Variants in ADNP2 observed in about 807,000 individuals in gnomAD.
ADNP2 encodes activity-dependent neuroprotector homeobox protein 2.
A neutral mutation model predicts 16.4 loss-of-function variants in ADNP2; 8 were observed. That is an observed-to-expected ratio of 0.49 (90% CI 0.29 to 0.88). The LOEUF is 0.88. ADNP2 is among the 40% of genes least tolerant of loss of function. The pLI is 0.09. For missense variants in ADNP2, 1,397 were observed against 1,395.1 expected (o/e 1.00, Z -0.02); for synonymous variants, 637 against 545.8 (o/e 1.17, Z -2.33).
intron 2 of ADNP2, among the ~76,000 whole-genome samples, chr18:80,130,429 T>G (rs1347000018): frequency 6.6e-6 from 1 of 152,180 alleles, no homozygotes; most frequent in Non-Finnish European, 1.5e-5. Flanking sequence ...GCTGCACAGG[T>G]AAAGAAAGTG....
Position 80,136,358 on chromosome 18 carries a change from C to G in ADNP2, c.945C>G (p.Ala315=), listed in dbSNP as rs769184019. The change falls in exon 4 of 4, where the codon GCC becomes GCG. Residue 315 remains alanine (A), a synonymous_variant. Transcript: ENST00000262198. ...AGQPVTVAQG[A]PGSLTHSPPA... ...AGCCAGTGACTGTGGCCCAGGGTGC[C>G]CCTGGAAGCCTCACTCATTCCCCCC... 1.9e-6 allele frequency: 3 copies of G among 1,614,232 alleles called. No individual in the cohort carries two copies. The South Asian group carries it at 3.3e-5, about 18-fold the overall frequency.
At chr18:80,123,521 C>T (rs2052438649) in intron 2 of ADNP2, among the ~76,000 whole-genome samples, 1 of 151,112 alleles carries the variant, frequency 6.6e-6, no homozygotes, top group African/African-American at 2.4e-5. Context: ...AGGCATGCGC[C>T]ACCACACCCA....
intron 1 of ADNP2, among the ~76,000 whole-genome samples, chr18:80,114,899 G>T (rs185043550): frequency 2.6e-5 from 4 of 152,174 alleles, no homozygotes. Flanking sequence ...TGGTGTCTCT[G>T]TGGGCTAGTT....
chr18:80,118,174 C>T (rs2052401295), intron 2 of ADNP2, among the ~76,000 whole-genome samples: 1 of 152,174 alleles, frequency 6.6e-6, no homozygotes, highest in South Asian at 2.1e-4. Context: ...CCTGTAATCT[C>T]AGCACTTTGG....
intron 2 of ADNP2, among the ~76,000 whole-genome samples, chr18:80,123,995 G>A (rs58748616): frequency 2.0e-5 from 3 of 152,042 alleles, no homozygotes; most frequent in African/African-American, 7.2e-5. Context: ...GTCCCAAAGA[G>A]CTGGGATTAC....
chr18:80,125,467 C>T lies in ADNP2; in HGVS notation c.109-7636C>T, dbSNP rs142698698. ...GACCATTCTGGCTAACATGGTGCAACCCCATCTCTACTAAAAATACAAAAA... is the reference window on the plus strand; with the variant it reads ...GACCATTCTGGCTAACATGGTGCAATCCCATCTCTACTAAAAATACAAAAA... On this transcript the variant is annotated intron_variant, in intron 2 of 3. Coordinates refer to ENST00000262198, the MANE Select transcript of ADNP2 (RefSeq NM_014913.4). 3.5e-3 allele frequency among the ~76,000 whole-genome samples: 529 copies of T among 152,242 alleles called. 4 individuals are homozygous for T. The highest frequency in any genetic ancestry group is 0.012 in the African/African-American group (508 of 41,520).
At chr18:80,120,790 G>A (rs2052419596) in intron 2 of ADNP2, among the ~76,000 whole-genome samples, 1 of 152,110 alleles carries the variant, frequency 6.6e-6, no homozygotes, top group Non-Finnish European at 1.5e-5. Flanking sequence ...GAGTAGCTGG[G>A]ATTACAGGCA....
At chr18:80,132,978 C>A (rs1404165116) in intron 2 of ADNP2, 125 bp from the exon 3 acceptor site, 10 of 722,770 alleles carry the variant, frequency 1.4e-5, no homozygotes, top group Non-Finnish European at 2.3e-5. Flanking sequence ...TCCTCAACCT[C>A]CCAAAGTGCT....
chr18:80,111,434 G>A (rs1171767776), intron 1 of ADNP2, among the ~76,000 whole-genome samples: 4 of 152,120 alleles, frequency 2.6e-5, no homozygotes, highest in Non-Finnish European at 5.9e-5. Flanking sequence ...ATAAATGGTG[G>A]AGCTGATGTA....
chr18:80,136,566 G>A lies in ADNP2; in HGVS notation c.1153G>A (p.Val385Ile). ...GCCAGTCGGACCTGTCAATAAGTCT[G>A]TTGGAACTAGTGTCCTCCCCATAAA... The part of the protein sequence containing the change: ...SQPVGPVNKS[V>I]GTSVLPINQT... Residue 385 changes from valine to isoleucine, a missense_variant, in exon 4 of 4, where the codon GTT becomes ATT. By Grantham distance (29) the Val-to-Ile change is conservative. This residue lies in a region of ADNP2 where 777 missense variants were observed against 719.4 expected (regional missense o/e 1.08). Coordinates refer to ENST00000262198, the MANE Select transcript of ADNP2 (RefSeq NM_014913.4). 6.2e-7 allele frequency: 1 copy of A among 1,614,216 alleles called. No homozygotes were observed. Among genetic ancestry groups the A allele is most frequent in the African/African-American group, 1.3e-5 (1 of 75,064 alleles).
Position 80,137,041 on chromosome 18 carries a change from T to C in ADNP2, c.1628T>C (p.Leu543Pro), listed in dbSNP as rs1474531988. ...PVNQGVNSGV[L>P]QLSQPVVSGV... ...AACCAGGGTGTGAATTCTGGTGTTC[T>C]GCAGCTTAGTCAGCCTGTTGTGTCG... is the stretch of plus-strand genomic sequence containing the variant. Residue 543 changes from leucine (L) to proline (P), a missense_variant, in exon 4 of 4, where the codon CTG becomes CCG. Around this residue, in one of 3 missense-constraint regions of ADNP2, gnomAD observed 777 missense variants for 719.4 expected, o/e 1.08. Coordinates refer to ENST00000262198, the MANE Select transcript of ADNP2 (RefSeq NM_014913.4). The surrounding 1 kb of genome is among the most constrained non-coding windows in gnomAD (Gnocchi z 4.2). The C allele has an allele frequency of 6.2e-7, 1 of 1,614,080 alleles. No homozygotes were observed. Among genetic ancestry groups the C allele is most frequent in the East Asian group, 2.2e-5 (1 of 44,872 alleles).
At chr18:80,117,418 A>G in intron 1 of ADNP2, 112 bp from the exon 2 acceptor site, 1 of 583,670 alleles carries the variant, frequency 1.7e-6, no homozygotes, top group Non-Finnish European at 2.8e-6. Flanking sequence ...TTCTACAACA[A>G]TTTGTTGAAA....
At chr18:80,128,681 A>G (rs968354641) in intron 2 of ADNP2, among the ~76,000 whole-genome samples, 2 of 152,182 alleles carry the variant, frequency 1.3e-5, no homozygotes, top group African/African-American at 2.4e-5. Flanking sequence ...AAAATAAAGA[A>G]ATATTTGTAA....
chr18:80,121,717 A>G (rs2052426109), intron 2 of ADNP2, among the ~76,000 whole-genome samples: 1 of 152,182 alleles, frequency 6.6e-6, no homozygotes, highest in Non-Finnish European at 1.5e-5. Flanking sequence ...TATATTGTAT[A>G]AGTAGGAGTC....
rs998937147 is a variant in ADNP2, at chr18:80,136,148, T to A, written c.735T>A (p.Asn245Lys). ...LTSDIHRDLE[N>K]KLRSVISEHI... is the part of the protein sequence containing the mutation. ...CAGACATACACAGAGATTTGGAGAA[T>A]AAGCTTAGATCTGTGATTTCAGAAC... The change falls in exon 4 of 4, where the codon AAT becomes AAA. Residue 245 changes from asparagine to lysine, a missense_variant. Physicochemically the swap from Asn to Lys is moderately conservative, Grantham distance 94 (BLOSUM62 0). This residue lies in a region of ADNP2 where 777 missense variants were observed against 719.4 expected (regional missense o/e 1.08). Coordinates refer to ENST00000262198, the MANE Select transcript of ADNP2 (RefSeq NM_014913.4). 1 of 1,614,106 alleles carries A rather than the reference T, an allele frequency of 6.2e-7. No individual in the cohort carries two copies. The highest frequency in any genetic ancestry group is 8.5e-7 in the Non-Finnish European group (1 of 1,180,022).
chr18:80,130,882 C>T (rs1247595407), intron 2 of ADNP2, among the ~76,000 whole-genome samples: 1 of 152,156 alleles, frequency 6.6e-6, no homozygotes. Flanking sequence ...TACAAAATAT[C>T]TGTGTTTCTC....
Position 80,138,093 on chromosome 18 carries a change from T to A in ADNP2, c.2680T>A (p.Leu894Met). 6.2e-7 allele frequency: 1 copy of A among 1,613,874 alleles called. No individual in the cohort carries two copies. The highest frequency in any genetic ancestry group is 8.5e-7 in the Non-Finnish European group (1 of 1,180,024). The change falls in exon 4 of 4, where the codon TTG becomes ATG. Residue 894 changes from leucine to methionine, a missense_variant. Around this residue, in one of 3 missense-constraint regions of ADNP2, gnomAD observed 611 missense variants for 648.7 expected, o/e 0.94. Transcript: ENST00000262198. The stretch of plus-strand genomic sequence containing the variant: ...GACAACTGAGGCCTATGAGCTGCAT[T>A]TGAAGGAGAGGCACCACATCATGCC... ...FVTTEAYELHLKERHHIMPTV... is the reference protein window; with the variant it reads ...FVTTEAYELHMKERHHIMPTV...
intron 3 of ADNP2, among the ~76,000 whole-genome samples, chr18:80,134,356 C>CA (rs372350654): frequency 5.2e-4 from 77 of 148,294 alleles, no homozygotes; most frequent in Admixed American, 3.0e-3. Flanking sequence ...GAGACTCTGT[C>CA]AAAAAAAACA....
rs1398319925 is a variant in ADNP2 at position 80,139,709 on chromosome 18, TACTC to T, written c.*902_*905del. The T allele has an allele frequency of 6.6e-6, 1 of 152,564 alleles. No homozygotes were observed. The highest frequency in any genetic ancestry group is 2.4e-5 in the African/African-American group (1 of 41,436). 9.5% of individuals were successfully genotyped at this position (152,564 alleles called of 1,614,324 possible). A position where few individuals can be genotyped will look rare whatever the true frequency, so the allele number is the denominator to read the frequency against. ...AACTAGTGAAAGGGAAGGTCTATGATACTCAGGAATAAGATTATTGCCCCTGAGT... is the reference window on the plus strand; with the variant it reads ...AACTAGTGAAAGGGAAGGTCTATGATAGGAATAAGATTATTGCCCCTGAGT... On this transcript the variant is annotated 3_prime_UTR_variant, in exon 4 of 4. Transcript: ENST00000262198.
Sources: allele counts gnomAD v4.1 joint callset (sites outside exome capture counted in the v4.1 genomes callset), GRCh38; gene constraint gnomAD v4.1.1; regional missense constraint gnomAD v4.1.1; non-coding constraint Gnocchi (gnomAD v3.1); transcripts MANE v1.5; gene names NCBI Gene and HGNC (gene_info 2026-07-23, HGNC 2026-07-21).